Variants in GLB1 observed in about 807,000 individuals in gnomAD.
The protein encoded by GLB1 is beta-galactosidase.
In GLB1, 56 loss-of-function variants were observed where a neutral mutation model predicts 74.0. The ratio of observed to expected loss-of-function variants is 0.76; its 90% CI spans 0.61 to 0.94. The LOEUF (loss-of-function observed/expected upper bound fraction) is 0.94. Among genes scored for constraint, GLB1 ranks in the 40% least tolerant of loss-of-function variants. The probability of loss-of-function intolerance (pLI) is 0.00; values close to 1 mark genes in which losing one functional copy is unlikely to be tolerated. For synonymous variants in GLB1, 323 were observed against 323.6 expected (o/e 1.00, Z 0.02); for missense variants, 787 against 845.5 (o/e 0.93, Z 0.86).
At chr3:32,999,785 G>C (rs1160179751) in intron 15 of GLB1, among the ~76,000 whole-genome samples, 1 of 152,026 alleles carries the variant, frequency 6.6e-6, no homozygotes, top group Admixed American at 6.6e-5. Flanking sequence ...TGAGTAGCTG[G>C]GAATACAGGC....
chr3:33,038,223 A>G (rs1418166441), intron 10 of GLB1, among the ~76,000 whole-genome samples: 1 of 152,160 alleles, frequency 6.6e-6, no homozygotes, highest in East Asian at 1.9e-4. Flanking sequence ...TAGACTTATC[A>G]CTCACCTCTA....
At position 33,014,070 on chromosome 3, in the gene GLB1, G is replaced by A; in HGVS notation, c.1720C>T (p.Pro574Ser). The A allele has an allele frequency of 6.2e-7, 1 of 1,614,186 alleles. No homozygotes were observed. Among genetic ancestry groups the A allele is most frequent in the Non-Finnish European group, 8.5e-7 (1 of 1,180,038 alleles). The change falls in exon 15 of 16, where the codon CCT (proline) becomes TCT (serine). Residue 574 changes from proline to serine, a missense_variant. Physicochemically the swap from Pro to Ser is moderately conservative, Grantham distance 74 (BLOSUM62 -1). Coordinates refer to ENST00000307363, the MANE Select transcript of GLB1 (RefSeq NM_000404.4). ...AAGACACGTACCTTGGTCCATCCAG[G>A]AAACTGGATAAAGGTGTCCTGGGGC... ...DLPQDTFIQF[P>S]GWTKGQVWIN...
rs1698551631 is a variant in GLB1 at position 33,042,552 on chromosome 3, A to T, written c.1068+3568T>A. ...CCGGCTAATTTTTTGTCTTTTTAGTAGAGACGGGGTTTCACTGTGTTAGCC... is the reference window on the plus strand; with the variant it reads ...CCGGCTAATTTTTTGTCTTTTTAGTTGAGACGGGGTTTCACTGTGTTAGCC... On this transcript the variant is annotated intron_variant, in intron 10 of 15. Coordinates refer to ENST00000307363, the MANE Select transcript of GLB1 (RefSeq NM_000404.4). 2.0e-5 allele frequency among the ~76,000 whole-genome samples: 3 copies of T among 152,014 alleles called. No homozygotes were observed. The South Asian group carries it at 6.2e-4, about 32-fold the overall frequency.
the GLB1 span, among the ~76,000 whole-genome samples, chr3:32,973,168 T>C: frequency 1.3e-5 from 2 of 152,148 alleles, no homozygotes; most frequent in African/African-American, 4.8e-5. Flanking sequence ...CTGGTGCACA[T>C]AAATAATTAA....
At chr3:32,995,034 A>T (rs574127382), downstream of GLB1, among the ~76,000 whole-genome samples, 8 of 152,270 alleles carry the variant, frequency 5.3e-5, no homozygotes, top group Non-Finnish European at 7.4e-5. Context: ...GATAAGACAA[A>T]ACACTCTGGC....
intron 15 of GLB1, among the ~76,000 whole-genome samples, chr3:33,001,302 C>T (rs1007669141): frequency 2.0e-5 from 3 of 151,802 alleles, no homozygotes; most frequent in Non-Finnish European, 4.4e-5. Context: ...AATACAGCCT[C>T]AAACTCCTGC....
chr3:33,055,455 CTTTTCTTT>C (rs1446250219), intron 6 of GLB1, among the ~76,000 whole-genome samples: 1 of 111,584 alleles, frequency 9.0e-6, no homozygotes, highest in East Asian at 3.8e-4. Flanking sequence ...TCATGGTTTT[CTTTTCTTT>C]TTTTTTTTTT....
chr3:32,988,155 C>T, the GLB1 span, among the ~76,000 whole-genome samples: 3 of 124,730 alleles, frequency 2.4e-5, no homozygotes, highest in African/African-American at 9.4e-5. Flanking sequence ...CATTGCACTA[C>T]AGCCTGGGTG....
At chr3:33,007,307 T>C (rs1337278258) in intron 15 of GLB1, among the ~76,000 whole-genome samples, 4 of 152,226 alleles carry the variant, frequency 2.6e-5, no homozygotes, top group African/African-American at 9.6e-5. Context: ...AAGTCAATTA[T>C]AGAACATTTC....
At chr3:32,986,838 G>A in the GLB1 span, among the ~76,000 whole-genome samples, 5 of 152,178 alleles carry the variant, frequency 3.3e-5, no homozygotes, top group Admixed American at 6.5e-5. Flanking sequence ...TGATCCACTC[G>A]CCTTCGCCTC....
chr3:32,961,832 G>A, the GLB1 span, among the ~76,000 whole-genome samples: 2 of 152,200 alleles, frequency 1.3e-5, no homozygotes, highest in African/African-American at 4.8e-5. Flanking sequence ...AAATAGGAAG[G>A]AACGCCTGTG....
chr3:33,059,037 G>T (rs1022748532), intron 5 of GLB1, among the ~76,000 whole-genome samples: 1 of 152,206 alleles, frequency 6.6e-6, no homozygotes, highest in Non-Finnish European at 1.5e-5. Flanking sequence ...GCATCCAGTG[G>T]GTAGAGGCCC....
chr3:33,090,333 T>C (rs1700695736), intron 1 of GLB1: 6 of 931,628 alleles, frequency 6.4e-6, no homozygotes, highest in African/African-American at 1.8e-5. Flanking sequence ...GGTCTCGTCA[T>C]GCTTGTTAAA....
Position 33,034,572 on chromosome 3 carries a change from C to A in GLB1, c.1069-10247G>T, listed in dbSNP as rs960285289. ...TGGGATGGTCGTGTGTTCATCTGGA[C>A]CTGTGATGATGCCTTGGGAAATATA... On this transcript the variant is annotated intron_variant, in intron 10 of 15. Transcript: ENST00000307363. The A allele has an allele frequency of 2.8e-5, 20 of 721,580 alleles. 1 individual carries two copies. The Admixed American group carries it at 3.0e-4, about 11-fold the overall frequency. The allele number at this position is 721,580 out of a possible 1,614,324, so 44.7% of individuals were successfully genotyped here.
chr3:33,035,729 A>G (rs1024362281), intron 10 of GLB1, among the ~76,000 whole-genome samples: 2 of 152,154 alleles, frequency 1.3e-5, no homozygotes, highest in African/African-American at 4.8e-5. Context: ...CACCCAGTCT[A>G]TGGTACTTTG....
intron 10 of GLB1, chr3:33,029,956 G>C (rs377409569): frequency 7.7e-6 from 1 of 130,226 alleles, no homozygotes; most frequent in African/African-American, 2.9e-5. Flanking sequence ...TAAAAGTTAA[G>C]AAAAAAAAAA....
At chr3:33,092,959 C>G in intron 1 of GLB1, 1 of 1,614,186 alleles carries the variant, frequency 6.2e-7, no homozygotes, top group Non-Finnish European at 8.5e-7. Flanking sequence ...TGGTAGAGAC[C>G]AGCAAAGAAG....
intron 10 of GLB1, chr3:33,045,868 T>G (rs1698720723): frequency 1.2e-6 from 1 of 832,518 alleles, no homozygotes; most frequent in African/African-American, 1.8e-5. Flanking sequence ...GTAAGTAGCA[T>G]TTAACACTGT....
the GLB1 span, among the ~76,000 whole-genome samples, chr3:32,989,555 T>C: frequency 0.077 from 11,739 of 152,222 alleles, 563 homozygotes; most frequent in African/African-American, 0.13. Flanking sequence ...GACCCACATA[T>C]ACCGGGCATT....
Sources: allele counts gnomAD v4.1 joint callset (sites outside exome capture counted in the v4.1 genomes callset), GRCh38; gene constraint gnomAD v4.1.1; transcripts MANE v1.5; gene names NCBI Gene and HGNC (gene_info 2026-07-23, HGNC 2026-07-21).